The following CCDC178 variants were observed in gnomAD, a reference collection of about 807,000 sequenced individuals.
CCDC178 encodes the protein coiled-coil domain containing 178.
CCDC178 carries 126 observed loss-of-function variants against 117.4 expected under a neutral mutation model. The observed-to-expected ratio is 1.07, with a 90% CI of 0.93 to 1.24. The LOEUF is 1.24. CCDC178 is among the 50% of genes most tolerant of loss of function. CCDC178 has a pLI of 0.00. For missense variants in CCDC178, 1,030 were observed against 986.9 expected, an observed-to-expected ratio of 1.04 and a Z score of -0.59; for synonymous variants, 283 against 313.4, an observed-to-expected ratio of 0.90 and a Z score of 1.02.
chr18:33,179,120 A>AC (rs1435648547), intron 20 of CCDC178, among the ~76,000 whole-genome samples: 14 of 106,202 alleles, frequency 1.3e-4, no homozygotes, highest in Non-Finnish European at 3.0e-4. Context: ...AACTATATAT[A>AC]TATATATAAA....
chr18:33,432,548 C>G (rs540804378), intron 2 of CCDC178, among the ~76,000 whole-genome samples: 184 of 150,364 alleles, frequency 1.2e-3, no homozygotes, highest in Middle Eastern at 6.9e-3. Context: ...ATGCACATAC[C>G]AATACCCCGT....
chr18:33,223,678 G>C (rs945260640), intron 17 of CCDC178, among the ~76,000 whole-genome samples: 1 of 152,030 alleles, frequency 6.6e-6, no homozygotes, highest in Non-Finnish European at 1.5e-5. Flanking sequence ...AACCATGGCT[G>C]TTATAAAATA....
chr18:33,326,670 G>A (rs973046850), intron 10 of CCDC178, among the ~76,000 whole-genome samples: 1 of 151,382 alleles, frequency 6.6e-6, no homozygotes, highest in Non-Finnish European at 1.5e-5. Flanking sequence ...GTTGTTTTTG[G>A]GTTTTTTTTC....
At chr18:33,438,268 A>G (rs2064320318) in intron 2 of CCDC178, among the ~76,000 whole-genome samples, 2 of 152,078 alleles carry the variant, frequency 1.3e-5, no homozygotes, top group African/African-American at 4.8e-5. Context: ...GCTTCTAGTT[A>G]GCCCTCCTTC....
intron 12 of CCDC178, among the ~76,000 whole-genome samples, chr18:33,273,290 A>G (rs1190458853): frequency 6.6e-6 from 1 of 151,604 alleles, no homozygotes; most frequent in Non-Finnish European, 1.5e-5. Flanking sequence ...TTTTATTTAC[A>G]ATAGTGTCAA....
At chr18:33,225,023 GTTTTT>G (rs1426602839) in intron 16 of CCDC178, 87 bp from the exon 17 acceptor site, 3 of 953,552 alleles carry the variant, frequency 3.1e-6, no homozygotes, top group East Asian at 5.9e-5. Flanking sequence ...AGTAATATTT[GTTTTT>G]ATTTGAAAAT....
chr18:33,041,350 A>G (rs1598817860), intron 21 of CCDC178, among the ~76,000 whole-genome samples: 3 of 151,580 alleles, frequency 2.0e-5, no homozygotes, highest in Non-Finnish European at 4.4e-5. Flanking sequence ...AGTATTTTAT[A>G]TAAAATTTTA....
intron 5 of CCDC178, among the ~76,000 whole-genome samples, chr18:33,389,316 T>A (rs570930412): frequency 3.3e-5 from 5 of 152,118 alleles, no homozygotes; most frequent in African/African-American, 9.6e-5. Context: ...TTCATACATT[T>A]CTGAAATTAC....
chr18:33,409,147 G>A (rs938212051), intron 3 of CCDC178, among the ~76,000 whole-genome samples: 1 of 152,062 alleles, frequency 6.6e-6, no homozygotes, highest in Non-Finnish European at 1.5e-5. Flanking sequence ...CCAAGCTGGA[G>A]TGCAGAGCCG....
At chr18:33,286,111 C>T (rs1245136366) in intron 12 of CCDC178, among the ~76,000 whole-genome samples, 1 of 151,366 alleles carries the variant, frequency 6.6e-6, no homozygotes, top group African/African-American at 2.4e-5. Context: ...GCAGCTGGGA[C>T]TACAGGTGTG....
At chr18:33,106,761 T>C (rs2057711173) in intron 20 of CCDC178, among the ~76,000 whole-genome samples, 1 of 151,652 alleles carries the variant, frequency 6.6e-6, no homozygotes, top group Admixed American at 6.6e-5. Flanking sequence ...TAATCTCGAG[T>C]TCTTAAAAGT....
intron 10 of CCDC178, among the ~76,000 whole-genome samples, chr18:33,325,168 T>C (rs1157595584): frequency 6.6e-6 from 1 of 151,896 alleles, no homozygotes; most frequent in Non-Finnish European, 1.5e-5. Context: ...TAATGATTAA[T>C]ATGGATGCTT....
chr18:33,439,232 T>G (rs1196882832), intron 2 of CCDC178, among the ~76,000 whole-genome samples: 9 of 152,214 alleles, frequency 5.9e-5, no homozygotes, highest in Admixed American at 5.9e-4. Flanking sequence ...GAAGAATATA[T>G]GCAATTATCC....
At chr18:33,373,715 C>A (rs1032743985) in intron 5 of CCDC178, among the ~76,000 whole-genome samples, 1 of 152,124 alleles carries the variant, frequency 6.6e-6, no homozygotes, top group Non-Finnish European at 1.5e-5. Flanking sequence ...CCATGAAGTT[C>A]TTTCCAGAGA....
chr18:33,331,440 A>C (rs987222446), intron 10 of CCDC178, among the ~76,000 whole-genome samples: 1 of 152,038 alleles, frequency 6.6e-6, no homozygotes, highest in Admixed American at 6.5e-5. Context: ...AGCTGCAGCT[A>C]TCATATCAAG....
chr18:33,001,144 T>A (rs1379032297), intron 21 of CCDC178, among the ~76,000 whole-genome samples: 1 of 152,224 alleles, frequency 6.6e-6, no homozygotes, highest in Admixed American at 6.5e-5. Flanking sequence ...TGTGTTATCA[T>A]CAATTTAAAA....
intron 21 of CCDC178, among the ~76,000 whole-genome samples, chr18:33,089,382 A>G (rs1418976848): frequency 1.3e-5 from 2 of 152,120 alleles, no homozygotes; most frequent in Non-Finnish European, 2.9e-5. Flanking sequence ...TGTTAGTTCT[A>G]TATCTTACAT....
intron 15 of CCDC178, among the ~76,000 whole-genome samples, chr18:33,234,997 A>C (rs1227564851): frequency 6.6e-6 from 1 of 152,184 alleles, no homozygotes; most frequent in East Asian, 1.9e-4. Flanking sequence ...CTGTTGATTG[A>C]ACTAAAGATG....
At chr18:33,207,962 C>A (rs1324238064) in intron 20 of CCDC178, among the ~76,000 whole-genome samples, 3 of 152,010 alleles carry the variant, frequency 2.0e-5, no homozygotes, top group Non-Finnish European at 4.4e-5. Flanking sequence ...CTGTTAAGTA[C>A]TTGTGATCAT....
Sources: allele counts gnomAD v4.1 joint callset (sites outside exome capture counted in the v4.1 genomes callset), GRCh38; gene constraint gnomAD v4.1.1; transcripts MANE v1.5; gene names NCBI Gene and HGNC (gene_info 2026-07-23, HGNC 2026-07-21).